The following ZMYM4 variants were observed in gnomAD, a reference collection of about 807,000 sequenced individuals.
ZMYM4 encodes zinc finger MYM-type containing 4, also known as zinc finger MYM-type protein 4.
A neutral mutation model predicts 183.2 loss-of-function variants in ZMYM4; 31 were observed. The observed-to-expected ratio is 0.17, with a 90% CI of 0.13 to 0.23. ZMYM4 has a LOEUF of 0.23. ZMYM4 is among the 10% of genes least tolerant of loss of function. The pLI is 1.00. For missense variants in ZMYM4, 1,273 were observed against 1,840.3 expected (o/e 0.69, Z 5.64); for synonymous variants, 592 against 631.2 (o/e 0.94, Z 0.93).
At chr1:35,347,007 A>G (rs1643421752) in intron 2 of ZMYM4, among the ~76,000 whole-genome samples, 1 of 152,116 alleles carries the variant, frequency 6.6e-6, no homozygotes, top group South Asian at 2.1e-4. Context: ...TCTTCTATAT[A>G]TATGTATTTA....
chr1:35,309,176 AT>A, intron 1 of ZMYM4: 2 of 476,658 alleles, frequency 4.2e-6, no homozygotes, highest in South Asian at 8.8e-5. Flanking sequence ...TATAATATTA[AT>A]TTTATAATTT....
intron 1 of ZMYM4, among the ~76,000 whole-genome samples, chr1:35,314,103 A>G (rs1042875232): frequency 2.6e-5 from 4 of 152,222 alleles, no homozygotes; most frequent in East Asian, 1.9e-4. Flanking sequence ...TTTATAATTT[A>G]CATCATGTTT....
chr1:35,410,436 G>A (rs1311068939), intron 26 of ZMYM4, among the ~76,000 whole-genome samples: 1 of 151,586 alleles, frequency 6.6e-6, no homozygotes, highest in African/African-American at 2.4e-5. Context: ...TTGGTGTAGT[G>A]TACTTTGAAT....
intron 1 of ZMYM4, among the ~76,000 whole-genome samples, chr1:35,282,813 C>A (rs12042543): frequency 1.3e-5 from 2 of 151,882 alleles, no homozygotes; most frequent in Non-Finnish European, 2.9e-5. Context: ...GCCTTGGCAT[C>A]TCAAAGTGCT....
At chr1:35,383,856 T>G (rs1644517326) in intron 9 of ZMYM4, among the ~76,000 whole-genome samples, 1 of 152,210 alleles carries the variant, frequency 6.6e-6, no homozygotes, top group Non-Finnish European at 1.5e-5. Context: ...AATACAGTTT[T>G]ACCTTGGGGA....
intron 9 of ZMYM4, among the ~76,000 whole-genome samples, chr1:35,382,181 TACACAC>T (rs59402643): frequency 0.069 from 9,232 of 133,476 alleles, 726 homozygotes; most frequent in East Asian, 0.26. Context: ...TATACACACA[TACACAC>T]ACACACACAC....
At position 35,392,365 on chromosome 1, in the gene ZMYM4, T is replaced by G. The variant is rs575894208; in HGVS notation, c.2728+13T>G. 5 of 1,609,890 alleles carry G rather than the reference T, an allele frequency of 3.1e-6. No homozygotes were observed. The highest frequency in any genetic ancestry group is 1.1e-5 in the South Asian group (1 of 89,976). On this transcript the variant is annotated intron_variant, in intron 16 of 29. Transcript: ENST00000314607. ...AGTGTCTTACAAGGTATGGCTTGAT[T>G]GGAAAGCATTTATCTAGCCTATTTA...
At chr1:35,311,071 A>G (rs993010691) in intron 1 of ZMYM4, among the ~76,000 whole-genome samples, 3 of 152,036 alleles carry the variant, frequency 2.0e-5, no homozygotes, top group East Asian at 1.9e-4. Context: ...ACCTTTAGCC[A>G]CTGGCTGCCA....
At chr1:35,301,514 C>A (rs1210008804) in intron 1 of ZMYM4, among the ~76,000 whole-genome samples, 1 of 151,248 alleles carries the variant, frequency 6.6e-6, no homozygotes, top group Non-Finnish European at 1.5e-5. Flanking sequence ...CCACTGTACT[C>A]CAGCCTGGGT....
intron 2 of ZMYM4, among the ~76,000 whole-genome samples, chr1:35,329,086 T>C (rs1321010139): frequency 1.3e-5 from 2 of 152,252 alleles, no homozygotes; most frequent in Admixed American, 6.5e-5. Flanking sequence ...TAGTATTTAC[T>C]AATTATTGGC....
intron 5 of ZMYM4, among the ~76,000 whole-genome samples, chr1:35,368,777 G>T (rs1224551514): frequency 6.6e-6 from 1 of 152,074 alleles, no homozygotes; most frequent in Non-Finnish European, 1.5e-5. Flanking sequence ...TGAATATGCG[G>T]AAACATTAAA....
At chr1:35,332,612 A>G (rs1352206753) in intron 2 of ZMYM4, among the ~76,000 whole-genome samples, 1 of 152,152 alleles carries the variant, frequency 6.6e-6, no homozygotes, top group Non-Finnish European at 1.5e-5. Flanking sequence ...ATAGTGTGGC[A>G]GCCTTAAGGT....
chr1:35,351,423 A>C (rs1570413485), intron 2 of ZMYM4: 1 of 1,570,026 alleles, frequency 6.4e-7, no homozygotes, highest in East Asian at 2.2e-5. Flanking sequence ...TCCAGACATG[A>C]TGGAGGAGAT....
intron 2 of ZMYM4, among the ~76,000 whole-genome samples, chr1:35,326,733 C>T (rs374461379): frequency 1.3e-5 from 2 of 152,152 alleles, no homozygotes; most frequent in African/African-American, 2.4e-5. Context: ...AATTTAGACA[C>T]GCTAATTAAC....
chr1:35,302,459 C>A (rs535850072), intron 1 of ZMYM4, among the ~76,000 whole-genome samples: 8 of 145,458 alleles, frequency 5.5e-5, no homozygotes, highest in African/African-American at 1.5e-4. Context: ...GATCTCAGCT[C>A]ACTGCAAGCT....
chr1:35,268,884 G>A lies in ZMYM4; in HGVS notation c.-163G>A, dbSNP rs1361206731. 1.4e-6 allele frequency: 1 copy of A among 712,968 alleles called. No individual in the cohort carries two copies. The allele number at this position is 712,968 out of a possible 1,614,324, so 44.2% of individuals were successfully genotyped here. On this transcript the variant is annotated 5_prime_UTR_variant, in exon 1 of 30. Transcript: ENST00000314607. ...GTGGGATCTCAGAAGCTGCGGCCCG[G>A]CGCGCGGCATCCGCCCCCTCCCCAC...
intron 27 of ZMYM4, 72 bp from the exon 28 acceptor site, chr1:35,415,394 G>C: frequency 1.3e-6 from 2 of 1,576,934 alleles, no homozygotes; most frequent in Non-Finnish European, 1.7e-6. Context: ...CCCTGTCTTA[G>C]AATTTGAGAG....
rs901988735 is a variant in ZMYM4 at position 35,291,476 on chromosome 1, A to G, written c.39+22391A>G. 2.0e-5 allele frequency among the ~76,000 whole-genome samples: 3 copies of G among 151,842 alleles called. No individual in the cohort carries two copies. The East Asian group carries it at 5.8e-4, about 29-fold the overall frequency. On this transcript the variant is annotated intron_variant, in intron 1 of 29. Transcript: ENST00000314607. ...TTTTATGGATTATGCTTTTTGTGTC[A>G]TATCTAACTTCTGTGCCTTTTAGCA...
Position 35,398,918 on chromosome 1 carries a change from A to G in ZMYM4, c.3308A>G (p.His1103Arg), listed in dbSNP as rs772749957. The stretch of plus-strand genomic sequence containing the variant: ...GAATCAGAGGCAGTATCTACTCCAC[A>G]TAGCTGGGAGGAAGAGCTGAATCAC... ...DLESEAVSTP[H>R]SWEEELNHYA... is the part of the protein sequence containing the mutation. Residue 1103 changes from histidine to arginine, a missense_variant, in exon 22 of 30, where the codon CAT (histidine) becomes CGT (arginine). By Grantham distance (29) the His-to-Arg change is conservative. Around this residue, in one of 6 missense-constraint regions of ZMYM4, gnomAD observed 290 missense variants for 353.3 expected, o/e 0.82. Transcript: ENST00000314607. 1.8e-5 allele frequency: 29 copies of G among 1,614,022 alleles called. No individual in the cohort carries two copies. The highest frequency in any genetic ancestry group is 2.0e-5 in the Non-Finnish European group (24 of 1,179,994).
Sources: gnomAD v4.1 joint callset for allele counts (sites outside exome capture counted in the v4.1 genomes callset) on GRCh38, gnomAD v4.1.1 for gene constraint, gnomAD v4.1.1 regional missense constraint, MANE v1.5 for transcripts, NCBI Gene and HGNC (gene_info 2026-07-23, HGNC 2026-07-21) for gene names.